VSNL1: variants seen among roughly 807,000 people sequenced by gnomAD.
VSNL1 encodes the protein visinin like 1.
A neutral mutation model predicts 20.4 loss-of-function variants in VSNL1; 6 were observed. That is an observed-to-expected ratio of 0.29 (90% CI 0.16 to 0.58). The LOEUF is 0.58. VSNL1 is among the 20% of genes least tolerant of loss of function. The pLI is 0.90. For synonymous variants in VSNL1, 93 were observed against 86.4 expected (o/e 1.08, Z -0.42); for missense variants, 100 against 234.5 (o/e 0.43, Z 3.75).
chr2:17,594,663 G>T (rs1519475), intron 2 of VSNL1, among the ~76,000 whole-genome samples: 1 of 152,020 alleles, frequency 6.6e-6, no homozygotes, highest in African/African-American at 2.4e-5. Context: ...GCTGACTGCA[G>T]CCTCTGCCCT....
chr2:17,574,506 T>A (rs1403891407), intron 1 of VSNL1, among the ~76,000 whole-genome samples: 3 of 152,224 alleles, frequency 2.0e-5, no homozygotes, highest in African/African-American at 7.2e-5. Context: ...ATATTCCAGC[T>A]GAAAATTCTT....
At chr2:17,632,578 C>T (rs867526344) in intron 2 of VSNL1, among the ~76,000 whole-genome samples, 6 of 152,214 alleles carry the variant, frequency 3.9e-5, no homozygotes, top group Non-Finnish European at 8.8e-5. Context: ...GGATTACAGG[C>T]ATGAGCCACT....
chr2:17,638,047 A>G (rs1043378967), intron 2 of VSNL1, among the ~76,000 whole-genome samples: 4 of 152,112 alleles, frequency 2.6e-5, no homozygotes, highest in Admixed American at 6.6e-5. Flanking sequence ...TCTCACTAGA[A>G]TGCATGCAGA....
intron 1 of VSNL1, among the ~76,000 whole-genome samples, chr2:17,548,628 C>T (rs551521556): frequency 9.9e-5 from 15 of 152,112 alleles, no homozygotes; most frequent in Admixed American, 2.0e-4. Context: ...CCTGCACACC[C>T]CAATCTTCTT....
intron 1 of VSNL1, among the ~76,000 whole-genome samples, chr2:17,591,780 T>C (rs562977575): frequency 1.3e-5 from 2 of 152,006 alleles, no homozygotes; most frequent in Non-Finnish European, 2.9e-5. Flanking sequence ...TTACTATGAA[T>C]AGCATAAAAA....
chr2:17,603,345 C>G (rs958931333), intron 2 of VSNL1, among the ~76,000 whole-genome samples: 1 of 152,226 alleles, frequency 6.6e-6, no homozygotes, highest in African/African-American at 2.4e-5. Flanking sequence ...TGTGTCCTCA[C>G]ATGGTGAAAG....
intron 1 of VSNL1, among the ~76,000 whole-genome samples, chr2:17,577,476 A>G (rs114413541): frequency 0.01 from 1,589 of 152,302 alleles, 15 homozygotes; most frequent in Non-Finnish European, 0.017. Context: ...GTGAGTCTGT[A>G]TAGCTGGATC....
chr2:17,640,225 C>G (rs1458153460), intron 2 of VSNL1, among the ~76,000 whole-genome samples: 1 of 149,720 alleles, frequency 6.7e-6, no homozygotes, highest in Admixed American at 6.7e-5. Context: ...TGCACTCTGG[C>G]CTGGGCAACA....
intron 2 of VSNL1, among the ~76,000 whole-genome samples, chr2:17,630,339 C>T (rs1291068041): frequency 1.3e-5 from 2 of 152,218 alleles, no homozygotes; most frequent in African/African-American, 4.8e-5. Context: ...TCCAAAGCTG[C>T]AGGGCTTGCA....
At chr2:17,630,103 G>A (rs1359181422) in intron 2 of VSNL1, among the ~76,000 whole-genome samples, 1 of 152,232 alleles carries the variant, frequency 6.6e-6, no homozygotes, top group Non-Finnish European at 1.5e-5. Flanking sequence ...AGCCAAACGA[G>A]AAAATAGATT....
chr2:17,622,542 A>AAGAAAGAAAG lies in VSNL1; in HGVS notation c.163-26866_163-26857dup, dbSNP rs70961502. ...AGAAAAGAAAGAAAGAAAAGAAAGA[A>AAGAAAGAAAG]AGAAAGAAAGAAAGAAAGAAAGAAA... On this transcript the variant is annotated intron_variant, in intron 2 of 3. Coordinates refer to ENST00000295156, the MANE Select transcript of VSNL1 (RefSeq NM_003385.5). Among the ~76,000 whole-genome samples, 31 of 63,448 alleles carry AAGAAAGAAAG rather than the reference A, an allele frequency of 4.9e-4. No homozygotes were observed. In the East Asian group the frequency reaches 7.3e-3, roughly 15 times the overall value. The allele number at this position is 63,448 out of a possible 152,430, so 41.6% of individuals were successfully genotyped here.
intron 1 of VSNL1, among the ~76,000 whole-genome samples, chr2:17,590,741 T>C (rs916485738): frequency 1.3e-5 from 2 of 152,162 alleles, no homozygotes; most frequent in African/African-American, 4.8e-5. Flanking sequence ...ATAAAGTATG[T>C]GATGAGATTA....
chr2:17,548,435 G>C (rs148933198), intron 1 of VSNL1, among the ~76,000 whole-genome samples: 237 of 152,094 alleles, frequency 1.6e-3, no homozygotes, highest in African/African-American at 5.4e-3. Context: ...TTGTATAATA[G>C]GACAACTCCT....
At chr2:17,623,944 G>T (rs1321749630) in intron 2 of VSNL1, among the ~76,000 whole-genome samples, 6 of 152,202 alleles carry the variant, frequency 3.9e-5, no homozygotes, top group Non-Finnish European at 8.8e-5. Context: ...AACGTGATGG[G>T]AAATATCTGT....
chr2:17,577,367 T>C (rs1664240655), intron 1 of VSNL1, among the ~76,000 whole-genome samples: 1 of 152,246 alleles, frequency 6.6e-6, no homozygotes, highest in Non-Finnish European at 1.5e-5. Flanking sequence ...GTTCTTACTT[T>C]TTTTATTGAA....
intron 2 of VSNL1, among the ~76,000 whole-genome samples, chr2:17,618,094 G>A (rs946013419): frequency 2.0e-5 from 3 of 152,196 alleles, no homozygotes; most frequent in Non-Finnish European, 2.9e-5. Context: ...CTGCTAAGCA[G>A]AGGAGGAGTT....
rs1403050405 is a variant in VSNL1 at position 17,634,222 on chromosome 2, C to A, written c.163-15188C>A. Among the ~76,000 whole-genome samples, 1 of 152,176 alleles carries A rather than the reference C, an allele frequency of 6.6e-6. No homozygotes were observed. The highest frequency in any genetic ancestry group is 1.5e-5 in the Non-Finnish European group (1 of 68,024). ...AGCAGTGTGCAGGCGAGAATCAGGG[C>A]TGGCAGGTGCCCAGGGCCCTGTGCT... is the stretch of plus-strand genomic sequence containing the variant. On this transcript the variant is annotated intron_variant, in intron 2 of 3. Transcript: ENST00000295156. This position sits in a 1 kb window ranked among gnomAD's most constrained non-coding sequence, Gnocchi z 4.3.
chr2:17,633,582 C>T (rs1572212522), intron 2 of VSNL1, among the ~76,000 whole-genome samples: 1 of 152,018 alleles, frequency 6.6e-6, no homozygotes, highest in Non-Finnish European at 1.5e-5. Flanking sequence ...AGGCCACCTT[C>T]ACCTATCGAG....
At chr2:17,610,727 C>T (rs771014237) in intron 2 of VSNL1, among the ~76,000 whole-genome samples, 11 of 152,068 alleles carry the variant, frequency 7.2e-5, no homozygotes, top group African/African-American at 9.7e-5. Flanking sequence ...ATGCGGATTG[C>T]GATGTGTCAG....
Sources: allele counts gnomAD v4.1 joint callset (sites outside exome capture counted in the v4.1 genomes callset), GRCh38; gene constraint gnomAD v4.1.1; non-coding constraint Gnocchi (gnomAD v3.1); transcripts MANE v1.5; gene names NCBI Gene and HGNC (gene_info 2026-07-23, HGNC 2026-07-21).